Variants in TTPA observed in about 807,000 individuals in gnomAD.
The protein encoded by TTPA is alpha tocopherol transfer protein, also known as alpha-tocopherol transfer protein.
TTPA carries 23 observed loss-of-function variants against 25.9 expected under a neutral mutation model. The observed-to-expected ratio is 0.89, with a 90% CI of 0.64 to 1.26. The LOEUF is 1.26. TTPA is among the 50% of genes most tolerant of loss of function. The probability of loss-of-function intolerance (pLI) is 0.00; values close to 1 mark genes in which losing one functional copy is unlikely to be tolerated. For synonymous variants in TTPA, 148 were observed against 137.3 expected, an observed-to-expected ratio of 1.08 and a Z score of -0.54; for missense variants, 337 against 353.1, an observed-to-expected ratio of 0.95 and a Z score of 0.37.
At chr8:63,080,415 G>C (rs1033051118) in intron 1 of TTPA, among the ~76,000 whole-genome samples, 1 of 152,152 alleles carries the variant, frequency 6.6e-6, no homozygotes, top group Non-Finnish European at 1.5e-5. Flanking sequence ...AAAATTGATA[G>C]ACTGCTAGCA....
chr8:63,067,363 C>T (rs1290848998), intron 2 of TTPA, among the ~76,000 whole-genome samples: 1 of 151,082 alleles, frequency 6.6e-6, no homozygotes, highest in African/African-American at 2.4e-5. Context: ...GGAGTTTCAA[C>T]ATCCAACTAA....
chr8:63,076,953 A>C (rs1453143376), intron 1 of TTPA, among the ~76,000 whole-genome samples: 10 of 152,176 alleles, frequency 6.6e-5, no homozygotes, highest in Non-Finnish European at 1.5e-4. Context: ...TAAAAAAGAG[A>C]AGACACAAAT....
At position 63,060,313 on chromosome 8, in the gene TTPA, T is replaced by C. The variant is rs529835481; in HGVS notation, c.*939A>G. ...GCAGATATTGAGAAGCCATCAACTG[T>C]GCCTGACGTATTTTCTAAATTATTT... On this transcript the variant is annotated 3_prime_UTR_variant, in exon 5 of 5. Transcript: ENST00000260116. The C allele has an allele frequency of 2.8e-4, 43 of 152,314 alleles. No homozygotes were observed. The highest frequency in any genetic ancestry group is 9.4e-4 in the African/African-American group (39 of 41,570). 9.4% of individuals were successfully genotyped at this position (152,314 alleles called of 1,614,324 possible). A position where few individuals can be genotyped will look rare whatever the true frequency, so the allele number is the denominator to read the frequency against.
intron 1 of TTPA, among the ~76,000 whole-genome samples, chr8:63,077,243 G>A (rs552597416): frequency 3.1e-4 from 47 of 152,250 alleles, no homozygotes; most frequent in Middle Eastern, 6.8e-3. Flanking sequence ...CAGTGTGATC[G>A]ATGCAGAAGA....
chr8:63,081,798 G>C (rs1805668357), intron 1 of TTPA, among the ~76,000 whole-genome samples: 1 of 152,172 alleles, frequency 6.6e-6, no homozygotes, highest in Non-Finnish European at 1.5e-5. Context: ...CAAAGTCTCA[G>C]GATACAAAAT....
At chr8:63,079,659 G>A (rs1305728971) in intron 1 of TTPA, among the ~76,000 whole-genome samples, 1 of 152,170 alleles carries the variant, frequency 6.6e-6, no homozygotes, top group African/African-American at 2.4e-5. Context: ...GGAGCACCCA[G>A]ATTCTTAAAG....
At chr8:63,059,242 C>T (rs1432823047), downstream of TTPA, among the ~76,000 whole-genome samples, 2 of 150,800 alleles carry the variant, frequency 1.3e-5, no homozygotes, top group African/African-American at 2.4e-5. Context: ...CCGTTTTAGC[C>T]GGGATGGTCT....
chr8:63,079,405 A>G (rs993265213), intron 1 of TTPA, among the ~76,000 whole-genome samples: 8 of 152,308 alleles, frequency 5.3e-5, no homozygotes, highest in Non-Finnish European at 7.4e-5. Flanking sequence ...ATAAAGAGTC[A>G]AGACCCATCA....
At position 63,074,774 on chromosome 8, in the gene TTPA, G is replaced by C. The variant is rs565145989; in HGVS notation, c.205-1686C>G. ...GAAGCTGCACATTAGTAACTATATA[G>C]AAATAATGTGTTTTTTTTTCCTGTG... is the stretch of plus-strand genomic sequence containing the variant. On this transcript the variant is annotated intron_variant, in intron 1 of 4. Transcript: ENST00000260116. Among the ~76,000 whole-genome samples, 200 of 152,048 alleles carry C rather than the reference G, an allele frequency of 1.3e-3. 2 individuals carry two copies. The South Asian group carries it at 0.015, about 11-fold the overall frequency.
chr8:63,085,634 C>A (rs959001405), intron 1 of TTPA, among the ~76,000 whole-genome samples, 184 bp downstream of exon 1: 3 of 152,208 alleles, frequency 2.0e-5, no homozygotes, highest in East Asian at 1.9e-4. Flanking sequence ...AACTGGAGGA[C>A]CAGCTCTGGA....
In TTPA at chr8:63,085,924, C is replaced by A. The variant is rs1805745615; in HGVS notation, c.98G>T (p.Arg33Leu). 6.6e-7 allele frequency: 1 copy of A among 1,519,740 alleles called. No homozygotes were observed. Among genetic ancestry groups the A allele is most frequent in the East Asian group, 2.5e-5 (1 of 39,296 alleles). 94.1% of individuals were successfully genotyped at this position (1,519,740 alleles called of 1,614,324 possible). The change falls in exon 1 of 5, where the codon CGC becomes CTC. Residue 33 changes from arginine (R) to leucine (L), a missense_variant. Arg to Leu is a moderately radical substitution (Grantham distance 102). Coordinates refer to ENST00000260116, the MANE Select transcript of TTPA (RefSeq NM_000370.3). ...LLQPGLAALR[R>L]RAREAGVPLA... ...CGGGACGCCAGCTTCCCGGGCCCGG[C>A]GCCGCAGCGCCGCCAGGCCCGGCTG...
At chr8:63,069,194 C>G (rs1364916902) in intron 2 of TTPA, among the ~76,000 whole-genome samples, 1 of 151,696 alleles carries the variant, frequency 6.6e-6, no homozygotes, top group South Asian at 2.1e-4. Flanking sequence ...AAAAACAAGC[C>G]TCAGATTTCT....
In TTPA at chr8:63,060,305, A is replaced by G. The variant is rs771142708; in HGVS notation, c.*947T>C. The G allele has an allele frequency of 6.6e-6, 1 of 152,252 alleles. No individual in the cohort carries two copies. Among genetic ancestry groups the G allele is most frequent in the Non-Finnish European group, 1.5e-5 (1 of 68,038 alleles). 9.4% of individuals were successfully genotyped at this position (152,252 alleles called of 1,614,324 possible). On this transcript the variant is annotated 3_prime_UTR_variant, in exon 5 of 5. Coordinates refer to ENST00000260116, the MANE Select transcript of TTPA (RefSeq NM_000370.3). ...AATGCAAAGCAGATATTGAGAAGCC[A>G]TCAACTGTGCCTGACGTATTTTCTA...
downstream of TTPA, among the ~76,000 whole-genome samples, chr8:63,059,025 T>G (rs918483847): frequency 4.0e-5 from 4 of 99,414 alleles, no homozygotes; most frequent in African/African-American, 1.1e-4. Flanking sequence ...GTCCAGTTTT[T>G]TTTTTTTTTT....
Position 63,072,986 on chromosome 8 carries a change from C to T in TTPA, c.307G>A (p.Val103Ile). The T allele has an allele frequency of 3.7e-6, 6 of 1,614,044 alleles. No homozygotes were observed. The highest frequency in any genetic ancestry group is 5.1e-6 in the Non-Finnish European group (6 of 1,179,982). ...CCAGTGGGATCCCTGGATCTCAGGA[C>T]TCCATGGTAGCCAGCCTTTAGGAGG... ...IGLLKAGYHG[V>I]LRSRDPTGSK... is the part of the protein sequence containing the mutation. The change falls in exon 2 of 5, where the codon GTC (valine) becomes ATC (isoleucine). Residue 103 changes from valine (V) to isoleucine (I), a missense_variant. Transcript: ENST00000260116.
In TTPA at chr8:63,065,997, T is replaced by A. The variant is rs1201357867; in HGVS notation, c.459A>T (p.Gly153=). 51 of 1,613,982 alleles carry A rather than the reference T, an allele frequency of 3.2e-5. No homozygotes were observed. The highest frequency in any genetic ancestry group is 4.3e-5 in the Non-Finnish European group (51 of 1,180,000). Residue 153 remains glycine (G), a synonymous_variant, in exon 3 of 5, where the codon GGA becomes GGT. Coordinates refer to ENST00000260116, the MANE Select transcript of TTPA (RefSeq NM_000370.3). ...IVQEVETQRN[G]IKAIFDLEGW... ...CTTCCAGATCAAAGATAGCCTTGAT[T>A]CCATTCCGCTGAGTTTCTACCTCCT... is the stretch of plus-strand genomic sequence containing the variant.
downstream of TTPA, among the ~76,000 whole-genome samples, chr8:63,059,291 C>G (rs973692910): frequency 6.6e-6 from 1 of 151,648 alleles, no homozygotes. Flanking sequence ...CTCGGCCTCC[C>G]AAAGTGCTGG....
chr8:63,080,637 C>T (rs1198352685), intron 1 of TTPA, among the ~76,000 whole-genome samples: 3 of 150,752 alleles, frequency 2.0e-5, no homozygotes, highest in East Asian at 3.9e-4. Flanking sequence ...GGGAGAATGG[C>T]GTGAACCCAG....
intron 2 of TTPA, among the ~76,000 whole-genome samples, chr8:63,068,213 T>C (rs1358518590): frequency 6.6e-6 from 1 of 152,126 alleles, no homozygotes; most frequent in Non-Finnish European, 1.5e-5. Context: ...TATGTTTTTC[T>C]CTATCAAAGC....
Sources: allele counts gnomAD v4.1 joint callset (sites outside exome capture counted in the v4.1 genomes callset), GRCh38; gene constraint gnomAD v4.1.1; transcripts MANE v1.5; gene names NCBI Gene and HGNC (gene_info 2026-07-23, HGNC 2026-07-21).